Variants in CATSPERD observed in about 807,000 individuals in gnomAD.
The protein encoded by CATSPERD is cation channel sperm-associated auxiliary subunit delta.
A neutral mutation model predicts 98.1 loss-of-function variants in CATSPERD; 86 were observed. That is an observed-to-expected ratio of 0.88 (90% CI 0.74 to 1.05). The LOEUF (loss-of-function observed/expected upper bound fraction) is 1.05. Ranked by LOEUF, CATSPERD falls within the 50% of genes least tolerant of loss-of-function variation. The pLI is 0.00. For synonymous variants in CATSPERD, 394 were observed against 390.2 expected (o/e 1.01, Z -0.12); for missense variants, 995 against 1,005.7 (o/e 0.99, Z 0.14).
intron 19 of CATSPERD, 118 bp downstream of exon 19, chr19:5,771,190 C>A: frequency 8.8e-7 from 1 of 1,132,870 alleles, no homozygotes; most frequent in South Asian, 1.6e-5. Context: ...TGATGATGGT[C>A]ACTGTTTCCC....
chr19:5,738,920 G>T (rs1227097882), intron 6 of CATSPERD, among the ~76,000 whole-genome samples: 2 of 151,284 alleles, frequency 1.3e-5, no homozygotes, highest in Non-Finnish European at 2.9e-5. Flanking sequence ...AAGAGACAGG[G>T]TTTCATTATG....
chr19:5,728,347 ACT>A (rs2055647557), intron 3 of CATSPERD, among the ~76,000 whole-genome samples: 1 of 124,280 alleles, frequency 8.0e-6, no homozygotes, highest in South Asian at 2.8e-4. Flanking sequence ...ACAGAGCGAG[ACT>A]CTGTCTCAAA....
intron 7 of CATSPERD, among the ~76,000 whole-genome samples, chr19:5,742,138 G>A (rs1045671840): frequency 1.5e-4 from 21 of 143,530 alleles, no homozygotes; most frequent in African/African-American, 3.8e-4. Context: ...GCGTGTGTGC[G>A]CGTGTGTACG....
At chr19:5,751,366 A>G (rs2056214471) in intron 11 of CATSPERD, among the ~76,000 whole-genome samples, 1 of 150,574 alleles carries the variant, frequency 6.6e-6, no homozygotes, top group Admixed American at 6.7e-5. Flanking sequence ...CTACTAAAAA[A>G]TACAAAGAAA....
intron 9 of CATSPERD, among the ~76,000 whole-genome samples, chr19:5,747,480 T>G (rs1378264017): frequency 6.6e-6 from 1 of 151,966 alleles, no homozygotes; most frequent in Non-Finnish European, 1.5e-5. Flanking sequence ...TTTTATTCCT[T>G]ATAGTGGTCA....
At chr19:5,749,285 A>T (rs1484915912) in intron 11 of CATSPERD, 102 bp downstream of exon 11, 1 of 697,892 alleles carries the variant, frequency 1.4e-6, no homozygotes, top group Non-Finnish European at 2.3e-6. Flanking sequence ...TGAGGTCAGG[A>T]GTTCAAGACC....
intron 11 of CATSPERD, among the ~76,000 whole-genome samples, chr19:5,751,252 C>T (rs1295512492): frequency 8.3e-6 from 1 of 120,564 alleles, no homozygotes; most frequent in Admixed American, 8.8e-5. Flanking sequence ...AGGCCTGGCG[C>T]GGTGGCTCAC....
At position 5,766,105 on chromosome 19, in the gene CATSPERD, GAC is replaced by G; in HGVS notation, c.1512_1513del (p.Leu505AspfsTer9). On this transcript the variant is annotated frameshift_variant, in exon 17 of 22. Transcript: ENST00000381624. LOFTEE classifies it high-confidence loss of function. ...ATTTCTGTCTCTCTCCTCTGCAGTC[GAC>G]ACTGATTTCAGTTGGCTGCGACCTG... ...ISCVDIKPLS[T>X]LISVGCDLDK... is the part of the protein sequence containing the mutation. 1 of 1,612,644 alleles carries G rather than the reference GAC, an allele frequency of 6.2e-7. No individual in the cohort carries two copies. Among genetic ancestry groups the G allele is most frequent in the Non-Finnish European group, 8.5e-7 (1 of 1,179,304 alleles).
intron 7 of CATSPERD, among the ~76,000 whole-genome samples, chr19:5,741,550 T>C (rs1291687431): frequency 6.6e-6 from 1 of 152,022 alleles, no homozygotes; most frequent in Non-Finnish European, 1.5e-5. Context: ...TTTATAAGGA[T>C]GCTCATCCCA....
rs1316469259 is a variant in CATSPERD at position 5,776,240 on chromosome 19, G to A, written c.2021G>A (p.Arg674Gln). The change falls in exon 21 of 22, where the codon CGG becomes CAG. Residue 674 changes from arginine (R) to glutamine (Q), a missense_variant. By Grantham distance (43) the Arg-to-Gln change is conservative (BLOSUM62 1). Around this residue, in one of 3 missense-constraint regions of CATSPERD, gnomAD observed 762 missense variants for 773.7 expected, o/e 0.98. Coordinates refer to ENST00000381624, the MANE Select transcript of CATSPERD (RefSeq NM_152784.4). ...GTCCAGTATCAGATCTTGGGCGGCCGGACAGCAAACCAGATCATTTTCGGC... is the reference window on the plus strand; with the variant it reads ...GTCCAGTATCAGATCTTGGGCGGCCAGACAGCAAACCAGATCATTTTCGGC... ...PDVQYQILGG[R>Q]TANQIIFGHN... The A allele has an allele frequency of 6.2e-6, 10 of 1,614,036 alleles. No individual in the cohort carries two copies. Among genetic ancestry groups the A allele is most frequent in the East Asian group, 2.2e-5 (1 of 44,884 alleles).
At chr19:5,768,980 C>A (rs1341835799) in intron 18 of CATSPERD, among the ~76,000 whole-genome samples, 1 of 151,046 alleles carries the variant, frequency 6.6e-6, no homozygotes, top group Non-Finnish European at 1.5e-5. Flanking sequence ...ATGGCAAAAC[C>A]CCATCTCTAC....
At chr19:5,750,778 G>A (rs1017637251) in intron 11 of CATSPERD, among the ~76,000 whole-genome samples, 12 of 151,956 alleles carry the variant, frequency 7.9e-5, no homozygotes, top group African/African-American at 2.7e-4. Context: ...GAATGAAGCT[G>A]AAGAGAAGTT....
At chr19:5,743,317 G>A (rs3120614) in intron 7 of CATSPERD, among the ~76,000 whole-genome samples, 61,452 of 149,836 alleles carry the variant, frequency 0.41, 12,915 homozygotes, top group Non-Finnish European at 0.47. Context: ...AACAAACAAG[G>A]CCAGGCACTG....
chr19:5,739,542 T>C (rs1453852856), intron 7 of CATSPERD, 103 bp downstream of exon 7: 1 of 664,656 alleles, frequency 1.5e-6, no homozygotes, highest in Non-Finnish European at 2.6e-6. Flanking sequence ...TCTTTAAGAG[T>C]CCAACTGGGA....
At chr19:5,749,243 G>A (rs2056157782) in intron 11 of CATSPERD, 60 bp downstream of exon 11, 4 of 1,272,906 alleles carry the variant, frequency 3.1e-6, no homozygotes, top group Non-Finnish European at 2.2e-6. Flanking sequence ...TGTCATCCCA[G>A]CACTTTGGGA....
At chr19:5,737,546 CAAAAA>C (rs35730088) in intron 6 of CATSPERD, among the ~76,000 whole-genome samples, 1 of 69,422 alleles carries the variant, frequency 1.4e-5, no homozygotes. Context: ...AAGACTCTGT[CAAAAA>C]AAAAAAAAAA....
intron 4 of CATSPERD, among the ~76,000 whole-genome samples, chr19:5,730,958 G>A (rs936468226): frequency 6.6e-6 from 1 of 151,302 alleles, no homozygotes; most frequent in Non-Finnish European, 1.5e-5. Flanking sequence ...CCGAGATCGC[G>A]CCACTGCACT....
At chr19:5,749,262 TGGAA>T in intron 11 of CATSPERD, 79 bp downstream of exon 11, 1 of 982,978 alleles carries the variant, frequency 1.0e-6, no homozygotes, top group Middle Eastern at 2.9e-4. Flanking sequence ...GAGGCTGAGG[TGGAA>T]GGATCACCTG....
At chr19:5,726,680 C>A (rs1213159931) in intron 2 of CATSPERD, among the ~76,000 whole-genome samples, 3 of 152,074 alleles carry the variant, frequency 2.0e-5, no homozygotes, top group African/African-American at 7.2e-5. Flanking sequence ...CCGCACCTGG[C>A]CCACCCTGTG....
Sources: allele counts gnomAD v4.1 joint callset (sites outside exome capture counted in the v4.1 genomes callset), GRCh38; gene constraint gnomAD v4.1.1; regional missense constraint gnomAD v4.1.1; transcripts MANE v1.5; gene names NCBI Gene and HGNC (gene_info 2026-07-23, HGNC 2026-07-21).